UBE2D3: variants seen among roughly 807,000 people sequenced by gnomAD.
The protein encoded by UBE2D3 is ubiquitin conjugating enzyme E2 D3.
In UBE2D3, 2 loss-of-function variants were observed where a neutral mutation model predicts 22.8. The ratio of observed to expected loss-of-function variants is 0.09; its 90% CI spans 0.04 to 0.28. The LOEUF is 0.28. Ranked by LOEUF, UBE2D3 falls within the 10% of genes least tolerant of loss-of-function variation. The probability of loss-of-function intolerance (pLI) is 1.00; values close to 1 mark genes in which losing one functional copy is unlikely to be tolerated. For missense variants in UBE2D3, 27 were observed against 182.5 expected, an observed-to-expected ratio of 0.15 and a Z score of 4.91; for synonymous variants, 56 against 60.4, an observed-to-expected ratio of 0.93 and a Z score of 0.34.
chr4:102,825,148 G>A (rs757627191), intron 2 of UBE2D3: 406 of 643,910 alleles, frequency 6.3e-4, no homozygotes, highest in Non-Finnish European at 7.3e-4. Context: ...TGTAGTATCA[G>A]GTCTATTTTA....
At chr4:102,826,940 G>A in intron 1 of UBE2D3, 3 of 1,007,370 alleles carry the variant, frequency 3.0e-6, no homozygotes, top group South Asian at 8.5e-5. Context: ...AGGAGCCGGG[G>A]CCTAGTCGGC....
At chr4:102,813,256 A>G (rs926699440) in intron 2 of UBE2D3, among the ~76,000 whole-genome samples, 1 of 152,186 alleles carries the variant, frequency 6.6e-6, no homozygotes, top group African/African-American at 2.4e-5. Flanking sequence ...TCACAATCAT[A>G]AGGCACTATA....
At chr4:102,849,368 A>T (rs1186429413) in intron 1 of UBE2D3, among the ~76,000 whole-genome samples, 5 of 146,320 alleles carry the variant, frequency 3.4e-5, no homozygotes, top group Admixed American at 1.3e-4. Flanking sequence ...CTGTCTCAAA[A>T]AAAAAAAAAA....
At position 102,809,501 on chromosome 4, in the gene UBE2D3, A is replaced by G. The variant is rs76374887; in HGVS notation, c.120+171T>C. 2,631 of 715,634 alleles carry G rather than the reference A, an allele frequency of 3.7e-3. 26 individuals carry two copies. The highest frequency in any genetic ancestry group is 0.035 in the African/African-American group (1,970 of 55,630). 44.3% of individuals were successfully genotyped at this position (715,634 alleles called of 1,614,324 possible). On this transcript the variant is annotated intron_variant, in intron 4 of 7. Transcript: ENST00000453744. ...ACAGGGATAGACACAAAGTACACGT[A>G]ACAAATGACTAACTCATTATGTTTT...
chr4:102,819,536 AG>A, intron 2 of UBE2D3: 1 of 984,598 alleles, frequency 1.0e-6, no homozygotes, highest in Non-Finnish European at 1.2e-6. Context: ...CATAACCAAA[AG>A]GTAGCATTTA....
intron 1 of UBE2D3, chr4:102,826,938 G>C (rs970271129): frequency 9.9e-7 from 1 of 1,007,966 alleles, no homozygotes; most frequent in Non-Finnish European, 1.2e-6. Flanking sequence ...GGAGGAGCCG[G>C]GGCCTAGTCG....
chr4:102,848,265 C>T (rs1339723635), intron 1 of UBE2D3, among the ~76,000 whole-genome samples: 1 of 152,038 alleles, frequency 6.6e-6, no homozygotes, highest in Non-Finnish European at 1.5e-5. Flanking sequence ...AATCCCAGCA[C>T]TTTGGGAGGC....
chr4:102,810,084 T>G (rs1218534591), intron 2 of UBE2D3: 1 of 466,676 alleles, frequency 2.1e-6, no homozygotes, highest in Non-Finnish European at 3.9e-6. Context: ...GATACAAAAT[T>G]TTTTATTTAC....
intron 1 of UBE2D3, among the ~76,000 whole-genome samples, chr4:102,867,214 C>T (rs1247506272): frequency 6.6e-6 from 1 of 152,082 alleles, no homozygotes. Flanking sequence ...TAGTGAAGGA[C>T]AATCACAAAC....
At chr4:102,805,526 G>A (rs528612408) in intron 4 of UBE2D3, among the ~76,000 whole-genome samples, 9 of 147,778 alleles carry the variant, frequency 6.1e-5, no homozygotes, top group Non-Finnish European at 8.9e-5. Flanking sequence ...TGGTGCTGTC[G>A]CCCAGGCTGG....
At chr4:102,806,677 TAG>T (rs1727099614) in intron 4 of UBE2D3, among the ~76,000 whole-genome samples, 1 of 152,180 alleles carries the variant, frequency 6.6e-6, no homozygotes, top group South Asian at 2.1e-4. Context: ...TGTCATAGAT[TAG>T]GTGGGAGTTA....
rs774918416 is a variant in UBE2D3 at position 102,824,078 on chromosome 4, CTCA to C, written c.24+2404_24+2406del. 4.6e-5 allele frequency among the ~76,000 whole-genome samples: 7 copies of C among 152,268 alleles called. No individual in the cohort carries two copies. In the East Asian group the frequency reaches 1.2e-3, roughly 25 times the overall value. On this transcript the variant is annotated intron_variant, in intron 2 of 7. Transcript: ENST00000453744. ...TGGATGTGGAATGTTTGAAAGTTGC[CTCA>C]TGTGATTTTAACATTAACAGCTGAA...
chr4:102,848,641 A>T (rs142761111), intron 1 of UBE2D3, among the ~76,000 whole-genome samples: 1 of 151,938 alleles, frequency 6.6e-6, no homozygotes, highest in Non-Finnish European at 1.5e-5. Flanking sequence ...GCGAAACTCC[A>T]TCTCATAAAT....
At chr4:102,813,407 T>C (rs74896042) in intron 2 of UBE2D3, among the ~76,000 whole-genome samples, 2,452 of 152,326 alleles carry the variant, frequency 0.016, 64 homozygotes, top group African/African-American at 0.053. Context: ...ATGAATTTTG[T>C]TGATTGACTC....
intron 1 of UBE2D3, among the ~76,000 whole-genome samples, chr4:102,847,146 T>A (rs1732078308): frequency 6.6e-6 from 1 of 152,184 alleles, no homozygotes; most frequent in South Asian, 2.1e-4. Flanking sequence ...CCCACCAATG[T>A]TCCAGCATTA....
intron 1 of UBE2D3, among the ~76,000 whole-genome samples, chr4:102,858,425 T>G (rs2110376356): frequency 6.6e-6 from 1 of 152,072 alleles, no homozygotes; most frequent in Middle Eastern, 3.4e-3. Flanking sequence ...CAGAGACACG[T>G]GTGATGAACT....
chr4:102,853,491 C>A (rs1044255314), intron 1 of UBE2D3, among the ~76,000 whole-genome samples: 1 of 152,002 alleles, frequency 6.6e-6, no homozygotes, highest in Non-Finnish European at 1.5e-5. Context: ...GAATACTAAG[C>A]AGCCATTAAA....
rs1045631445 is a variant in UBE2D3, at chr4:102,795,788, A to T, written c.*1627T>A. The T allele has an allele frequency of 3.3e-5, 5 of 152,142 alleles. No individual in the cohort carries two copies. The highest frequency in any genetic ancestry group is 7.4e-5 in the Non-Finnish European group (5 of 67,964). The allele number at this position is 152,142 out of a possible 1,614,324, so 9.4% of individuals were successfully genotyped here. The stretch of plus-strand genomic sequence containing the variant: ...TTGCACGTAAGTGTAAGCAGTGCAA[A>T]AATGTGGAAGTGGAGGAGTCACAGA... On this transcript the variant is annotated 3_prime_UTR_variant, in exon 8 of 8. Coordinates refer to ENST00000453744, the MANE Select transcript of UBE2D3 (RefSeq NM_181891.3).
chr4:102,841,083 C>A (rs1243295281), intron 1 of UBE2D3, among the ~76,000 whole-genome samples: 1 of 151,648 alleles, frequency 6.6e-6, no homozygotes, highest in Non-Finnish European at 1.5e-5. Context: ...AACAAATAAT[C>A]TTTAAACCAG....
Sources: allele counts gnomAD v4.1 joint callset (sites outside exome capture counted in the v4.1 genomes callset), GRCh38; gene constraint gnomAD v4.1.1; transcripts MANE v1.5; gene names NCBI Gene and HGNC (gene_info 2026-07-23, HGNC 2026-07-21).